Variants in ARHGAP31 observed in about 807,000 individuals in gnomAD.
ARHGAP31 encodes the protein rho GTPase-activating protein 31.
In ARHGAP31, 34 loss-of-function variants were observed where a neutral mutation model predicts 113.9. The ratio of observed to expected loss-of-function variants is 0.30; its 90% confidence interval spans 0.23 to 0.40. The LOEUF is 0.40. Among genes scored for constraint, ARHGAP31 ranks in the 10% least tolerant of loss-of-function variants. The pLI is 1.00. For missense variants in ARHGAP31, 1,548 were observed against 1,767.1 expected, an observed-to-expected ratio of 0.88 and a Z score of 2.22; for synonymous variants, 650 against 684.8, an observed-to-expected ratio of 0.95 and a Z score of 0.79.
intron 1 of ARHGAP31, among the ~76,000 whole-genome samples, chr3:119,346,243 C>T (rs563688354): frequency 6.6e-6 from 1 of 152,244 alleles, no homozygotes; most frequent in Non-Finnish European, 1.5e-5. Context: ...CAACAATCTA[C>T]TGCAAGCCTA....
Position 119,305,403 on chromosome 3 carries a change from G to C in ARHGAP31, c.100+10399G>C, listed in dbSNP as rs562341478. On this transcript the variant is annotated intron_variant, in intron 1 of 11. Coordinates refer to ENST00000264245, the MANE Select transcript of ARHGAP31 (RefSeq NM_020754.4). ...CAGAGAGCATGCCCTGTTACCATAA[G>C]TAGCCCCTTCCACCACTTCTTTCCC... 4.6e-5 allele frequency among the ~76,000 whole-genome samples: 7 copies of C among 152,298 alleles called. No homozygotes were observed. In the East Asian group the frequency reaches 1.3e-3, roughly 29 times the overall value.
chr3:119,321,425 T>A (rs1167730844), intron 1 of ARHGAP31, among the ~76,000 whole-genome samples: 1 of 149,352 alleles, frequency 6.7e-6, no homozygotes, highest in Non-Finnish European at 1.5e-5. Flanking sequence ...ACATAAATGT[T>A]TTAGAAAGAA....
chr3:119,300,850 G>A lies in ARHGAP31; in HGVS notation c.100+5846G>A, dbSNP rs796069726. 1.1e-3 allele frequency among the ~76,000 whole-genome samples: 121 copies of A among 107,342 alleles called. 2 individuals are homozygous for A. The highest frequency in any genetic ancestry group is 5.0e-3 in the Middle Eastern group (1 of 202). The allele number at this position is 107,342 out of a possible 152,430, so 70.4% of individuals were successfully genotyped here. A position where few individuals can be genotyped will look rare whatever the true frequency, so the allele number is the denominator to read the frequency against. On this transcript the variant is annotated intron_variant, in intron 1 of 11. Coordinates refer to ENST00000264245, the MANE Select transcript of ARHGAP31 (RefSeq NM_020754.4). Reference sequence around the variant, plus strand: ...CATCTCAAAAAAAAAAAAAAAGAAAGAAAGAAAGAAAGAAAGAAAGAAAGA... The same window carrying A: ...CATCTCAAAAAAAAAAAAAAAGAAAAAAAGAAAGAAAGAAAGAAAGAAAGA...
chr3:119,312,039 C>T (rs1390054809), intron 1 of ARHGAP31, among the ~76,000 whole-genome samples: 1 of 152,224 alleles, frequency 6.6e-6, no homozygotes, highest in African/African-American at 2.4e-5. Flanking sequence ...TCTCTGTTTA[C>T]AGGAACCAAT....
At chr3:119,325,741 T>G (rs2079835678) in intron 1 of ARHGAP31, among the ~76,000 whole-genome samples, 1 of 152,120 alleles carries the variant, frequency 6.6e-6, no homozygotes, top group Admixed American at 6.5e-5. Flanking sequence ...GAGAAGAAAC[T>G]CAGGGAAAGG....
chr3:119,352,886 G>C (rs779038510), intron 1 of ARHGAP31, among the ~76,000 whole-genome samples: 3 of 152,130 alleles, frequency 2.0e-5, no homozygotes, highest in Non-Finnish European at 2.9e-5. Flanking sequence ...TCTTCCACTG[G>C]ACTGGTCTAG....
chr3:119,313,289 T>C (rs2079698586), intron 1 of ARHGAP31, among the ~76,000 whole-genome samples: 1 of 152,240 alleles, frequency 6.6e-6, no homozygotes. Context: ...ATATTTTGTG[T>C]ATATACAAGC....
chr3:119,356,201 G>C (rs1021846349), intron 1 of ARHGAP31, among the ~76,000 whole-genome samples: 1 of 152,176 alleles, frequency 6.6e-6, no homozygotes, highest in East Asian at 1.9e-4. Flanking sequence ...TACTCAAAGG[G>C]CTAGCCCCAG....
intron 1 of ARHGAP31, among the ~76,000 whole-genome samples, chr3:119,308,400 C>A (rs2079649390): frequency 6.6e-6 from 1 of 152,230 alleles, no homozygotes; most frequent in African/African-American, 2.4e-5. Flanking sequence ...TTTCTGGAGG[C>A]TCTGGGGAAG....
At position 119,315,369 on chromosome 3, in the gene ARHGAP31, TAAG is replaced by T. The variant is rs760845835; in HGVS notation, c.100+20369_100+20371del. 2.6e-5 allele frequency among the ~76,000 whole-genome samples: 4 copies of T among 152,374 alleles called. 1 individual carries two copies. Among genetic ancestry groups the T allele is most frequent in the Admixed American group, 2.6e-4 (4 of 15,310 alleles). On this transcript the variant is annotated intron_variant, in intron 1 of 11. Transcript: ENST00000264245. ...CTCTTCTCAGTGAGGCCCCCATCTA[TAAG>T]AAGCCCAAACCCAATTCTGAACTTC... is the stretch of plus-strand genomic sequence containing the variant.
chr3:119,383,205 C>T lies in ARHGAP31; in HGVS notation c.661C>T (p.Pro221Ser). 6.2e-7 allele frequency: 1 copy of T among 1,614,108 alleles called. No individual in the cohort carries two copies. The highest frequency in any genetic ancestry group is 8.5e-7 in the Non-Finnish European group (1 of 1,180,016). The change falls in exon 6 of 12, where the codon CCT becomes TCT. Residue 221 changes from proline to serine, a missense_variant. Physicochemically the swap from Pro to Ser is moderately conservative, Grantham distance 74. Coordinates refer to ENST00000264245, the MANE Select transcript of ARHGAP31 (RefSeq NM_020754.4). ...AGATCAAATCTTTAACAACGGTGCA[C>T]CTGGGTCTCTGGAGAATGATGGTAA... Reference protein sequence around the residue: ...HVDQIFNNGAPGSLENDENRP... With the variant: ...HVDQIFNNGASGSLENDENRP...
chr3:119,335,736 G>T (rs1048485253), intron 1 of ARHGAP31, among the ~76,000 whole-genome samples: 3 of 152,196 alleles, frequency 2.0e-5, no homozygotes, highest in East Asian at 1.9e-4. Flanking sequence ...CAGCTGTCAG[G>T]AGTTGTTCTG....
chr3:119,409,782 G>A lies in ARHGAP31; in HGVS notation c.1926+6G>A, dbSNP rs764389729. The A allele has an allele frequency of 3.1e-5, 50 of 1,594,680 alleles. No individual in the cohort carries two copies. In the Middle Eastern group the frequency reaches 1.8e-3, roughly 56 times the overall value. The stretch of plus-strand genomic sequence containing the variant: ...CTGTGCTTCTCCATGAGATGGTAAA[G>A]TGCATTCTCCACCTGCTCCAGCCAG... On this transcript the variant is annotated splice_donor_region_variant and intron_variant, in intron 11 of 11. Coordinates refer to ENST00000264245, the MANE Select transcript of ARHGAP31 (RefSeq NM_020754.4).
intron 1 of ARHGAP31, among the ~76,000 whole-genome samples, chr3:119,317,050 C>T (rs373214545): frequency 2.0e-5 from 3 of 152,174 alleles, no homozygotes; most frequent in Admixed American, 2.0e-4. Flanking sequence ...TTGCGTAAGA[C>T]ATTTTGTAAA....
chr3:119,389,015 G>A (rs1179611945), intron 6 of ARHGAP31, among the ~76,000 whole-genome samples: 2 of 152,060 alleles, frequency 1.3e-5, no homozygotes, highest in Non-Finnish European at 2.9e-5. Flanking sequence ...CAAAAAATTA[G>A]CTTGGCATGG....
chr3:119,420,331 T>G lies in ARHGAP31; in HGVS notation c.*4067T>G, dbSNP rs1461318130. The G allele has an allele frequency of 6.6e-6, 1 of 152,352 alleles. No homozygotes were observed. The highest frequency in any genetic ancestry group is 6.5e-5 in the Admixed American group (1 of 15,300). 9.4% of individuals were successfully genotyped at this position (152,352 alleles called of 1,614,324 possible). ...AGGAAGGTCAGCTCAAAATGTGGCATGACAAAGAATATGTGCTCTACTACC... is the reference window on the plus strand; with the variant it reads ...AGGAAGGTCAGCTCAAAATGTGGCAGGACAAAGAATATGTGCTCTACTACC... On this transcript the variant is annotated 3_prime_UTR_variant, in exon 12 of 12. Transcript: ENST00000264245.
chr3:119,325,283 A>G (rs537195602), intron 1 of ARHGAP31, among the ~76,000 whole-genome samples: 1 of 152,338 alleles, frequency 6.6e-6, no homozygotes, highest in Admixed American at 6.5e-5. Context: ...TAAATTTGAA[A>G]TGGTTGTCCT....
chr3:119,390,674 G>A lies in ARHGAP31; in HGVS notation c.683-111G>A, dbSNP rs1039337398. Reference sequence around the variant, plus strand: ...ACCATGCCCAAGAGAAGCCAGGGTGGCACTCAGCCCCCATCATAGGATCAA... The same window carrying A: ...ACCATGCCCAAGAGAAGCCAGGGTGACACTCAGCCCCCATCATAGGATCAA... On this transcript the variant is annotated intron_variant, in intron 6 of 11. Transcript: ENST00000264245. The A allele has an allele frequency of 3.3e-6, 4 of 1,200,204 alleles. No homozygotes were observed. The African/African-American group carries it at 6.0e-5, about 18-fold the overall frequency. 74.3% of individuals were successfully genotyped at this position (1,200,204 alleles called of 1,614,324 possible).
chr3:119,381,529 C>T (rs921159557), intron 4 of ARHGAP31, among the ~76,000 whole-genome samples: 2 of 152,134 alleles, frequency 1.3e-5, no homozygotes, highest in Non-Finnish European at 2.9e-5. Flanking sequence ...AAGGAACTTC[C>T]TAGCAATAAT....
Sources: allele counts gnomAD v4.1 joint callset (sites outside exome capture counted in the v4.1 genomes callset), GRCh38; gene constraint gnomAD v4.1.1; transcripts MANE v1.5; gene names NCBI Gene and HGNC (gene_info 2026-07-23, HGNC 2026-07-21).